Variants in LIPA observed in about 807,000 individuals in gnomAD.
LIPA encodes lipase A, lysosomal acid type, also known as lysosomal acid lipase/cholesteryl ester hydrolase.
LIPA carries 26 observed loss-of-function variants against 40.6 expected under a neutral mutation model. The ratio of observed to expected loss-of-function variants is 0.64; its 90% CI spans 0.47 to 0.89. The LOEUF (loss-of-function observed/expected upper bound fraction) is 0.89. Among genes scored for constraint, LIPA ranks in the 40% least tolerant of loss-of-function variants. LIPA has a pLI of 0.00. For synonymous variants in LIPA, 188 were observed against 168.4 expected (o/e 1.12, Z -0.90); for missense variants, 455 against 479.6 (o/e 0.95, Z 0.48).
At chr10:89,262,668 C>T (rs889898134) in intron 1 of LIPA, among the ~76,000 whole-genome samples, 4 of 152,180 alleles carry the variant, frequency 2.6e-5, no homozygotes, top group Admixed American at 6.6e-5. Context: ...GCCAAAATTC[C>T]GGCCTCACCT....
intron 3 of LIPA, among the ~76,000 whole-genome samples, chr10:89,236,355 T>C (rs1235049412): frequency 1.3e-5 from 2 of 149,318 alleles, no homozygotes; most frequent in East Asian, 3.8e-4. Flanking sequence ...AATATCTGCT[T>C]AAATTTCTCA....
At chr10:89,306,949 T>C in intron 1 of LIPA, 1 of 1,614,052 alleles carries the variant, frequency 6.2e-7, no homozygotes, top group Non-Finnish European at 8.5e-7. Flanking sequence ...AGGCCAATGA[T>C]AATCTCTTCC....
At chr10:89,352,788 T>TAAAAAAAAA (rs34514402) in intron 2 of LIPA, among the ~76,000 whole-genome samples, 4 of 113,134 alleles carry the variant, frequency 3.5e-5, no homozygotes, top group East Asian at 2.5e-4. Context: ...ACTACAAAGA[T>TAAAAAAAAA]AAAAAAAAAA....
chr10:89,312,091 G>C (rs1412951667), intron 1 of LIPA, among the ~76,000 whole-genome samples: 1 of 151,826 alleles, frequency 6.6e-6, no homozygotes, highest in Non-Finnish European at 1.5e-5. Context: ...ATGACTTTGC[G>C]TCTCTGTGCA....
chr10:89,373,685 T>G (rs1488773718), intron 2 of LIPA, among the ~76,000 whole-genome samples: 1 of 152,174 alleles, frequency 6.6e-6, no homozygotes. Context: ...TAGGTATTTA[T>G]TAGGAATTAG....
chr10:89,228,367 G>A lies in LIPA; in HGVS notation c.261C>T (p.Gly87=). 6.2e-7 allele frequency: 1 copy of A among 1,614,214 alleles called. No individual in the cohort carries two copies. The highest frequency in any genetic ancestry group is 8.5e-7 in the Non-Finnish European group (1 of 1,180,032). The change falls in exon 4 of 10, where the codon GGC becomes GGT. Residue 87 remains glycine (G), a synonymous_variant. Coordinates refer to ENST00000336233, the MANE Select transcript of LIPA (RefSeq NM_000235.4). ...GPKPVVFLQH[G]LLADSSNWVT... is the part of the protein sequence containing the mutation. The stretch of plus-strand genomic sequence containing the variant: ...CCCAGTTACTAGAATCTGCCAGCAA[G>A]CCATGTTGCAGGAAGACAACTGGTT...
intron 2 of LIPA, among the ~76,000 whole-genome samples, chr10:89,359,580 G>C (rs768097229): frequency 1.3e-5 from 2 of 152,094 alleles, no homozygotes; most frequent in Non-Finnish European, 2.9e-5. Flanking sequence ...TGACCTGAAG[G>C]GCCTCAAGGA....
intron 1 of LIPA, among the ~76,000 whole-genome samples, chr10:89,295,674 C>G (rs894045886): frequency 6.6e-6 from 1 of 152,138 alleles, no homozygotes; most frequent in Non-Finnish European, 1.5e-5. Context: ...GGAAGCAAAT[C>G]TATATTCTAT....
chr10:89,339,316 A>C (rs1843807905), intron 1 of LIPA: 4 of 1,613,796 alleles, frequency 2.5e-6, no homozygotes, highest in Non-Finnish European at 3.4e-6. Flanking sequence ...GCAGAAGATG[A>C]ATAAAGAAGC....
At chr10:89,305,161 A>C (rs1843470512) in intron 1 of LIPA, among the ~76,000 whole-genome samples, 1 of 152,198 alleles carries the variant, frequency 6.6e-6, no homozygotes, top group African/African-American at 2.4e-5. Context: ...GCTAACATAA[A>C]TAATACTTGA....
In LIPA at chr10:89,333,291, C is replaced by G. The variant is rs117933108; in HGVS notation, c.-2+9320G>C. 5.7e-3 allele frequency among the ~76,000 whole-genome samples: 874 copies of G among 152,224 alleles called. 3 individuals carry two copies. The highest frequency in any genetic ancestry group is 0.027 in the Middle Eastern group (8 of 292). ...TCAACCTGAGTCTTCTAATAGAATG[C>G]AAATTTCTAGGTCCTGCATTCTGAA... On this transcript the variant is annotated intron_variant, in intron 1 of 5. Coordinates refer to the LIPA transcript ENST00000282673.
intron 2 of LIPA, among the ~76,000 whole-genome samples, chr10:89,348,817 T>C (rs577547904): frequency 6.6e-6 from 1 of 152,320 alleles, no homozygotes; most frequent in Non-Finnish European, 1.5e-5. Context: ...GTGGGGGTCC[T>C]GGCAGGCCAC....
chr10:89,362,489 A>T (rs1844029242), intron 2 of LIPA: 2 of 206,548 alleles, frequency 9.7e-6, no homozygotes. Flanking sequence ...GAAGGGCCAG[A>T]ATGAGAAAGC....
intron 2 of LIPA, among the ~76,000 whole-genome samples, chr10:89,367,605 T>C (rs12245646): frequency 0.018 from 2,680 of 152,328 alleles, 38 homozygotes; most frequent in African/African-American, 0.043. Context: ...CAAGTTCATT[T>C]GCATAAATCT....
chr10:89,308,179 C>A (rs1286060250), intron 1 of LIPA: 6 of 151,972 alleles, frequency 3.9e-5, no homozygotes. Context: ...TTCTTTAAAA[C>A]CTGTGTGAAA....
At chr10:89,375,379 TCTC>T (rs1844114222) in intron 2 of LIPA, among the ~76,000 whole-genome samples, 2 of 152,150 alleles carry the variant, frequency 1.3e-5, no homozygotes, top group South Asian at 4.1e-4. Flanking sequence ...TTTTAATAGT[TCTC>T]ATTATGCCCA....
At chr10:89,384,556 A>C (rs778338379) in intron 2 of LIPA, 1 of 1,614,196 alleles carries the variant, frequency 6.2e-7, no homozygotes, top group Admixed American at 1.7e-5. Flanking sequence ...GTCCCATTCC[A>C]GGGAAAAACT....
In LIPA at chr10:89,262,662, A is replaced by C. The variant is rs569995685; in HGVS notation, c.-1-15013T>G. On this transcript the variant is annotated intron_variant, in intron 1 of 5. Coordinates refer to the LIPA transcript ENST00000282673. Reference sequence around the variant, plus strand: ...ATCTGGGAGTATGTAAGAAATGCCAAAATTCCGGCCTCACCTCCAAACTAC... The same window carrying C: ...ATCTGGGAGTATGTAAGAAATGCCACAATTCCGGCCTCACCTCCAAACTAC... 3.9e-5 allele frequency among the ~76,000 whole-genome samples: 6 copies of C among 152,342 alleles called. No homozygotes were observed. The South Asian group carries it at 1.2e-3, about 32-fold the overall frequency.
intron 1 of LIPA, among the ~76,000 whole-genome samples, chr10:89,334,460 T>A (rs1425461976): frequency 6.7e-6 from 1 of 149,102 alleles, no homozygotes; most frequent in Non-Finnish European, 1.5e-5. Flanking sequence ...TTCTGTTTTT[T>A]CTTCTTTTTC....
Sources: allele counts gnomAD v4.1 joint callset (sites outside exome capture counted in the v4.1 genomes callset), GRCh38; gene constraint gnomAD v4.1.1; transcripts MANE v1.5; gene names NCBI Gene and HGNC (gene_info 2026-07-23, HGNC 2026-07-21).